Variants in ST6GAL1 observed in about 807,000 individuals in gnomAD.
The protein encoded by ST6GAL1 is ST6 beta-galactoside alpha-2,6-sialyltransferase 1.
ST6GAL1 carries 20 observed loss-of-function variants against 38.0 expected under a neutral mutation model. The ratio of observed to expected loss-of-function variants is 0.53; its 90% CI spans 0.37 to 0.77. ST6GAL1 has a LOEUF of 0.77. ST6GAL1 is among the 30% of genes least tolerant of loss of function. ST6GAL1 has a pLI of 0.00. For synonymous variants in ST6GAL1, 196 were observed against 188.2 expected (o/e 1.04, Z -0.34); for missense variants, 432 against 496.4 (o/e 0.87, Z 1.23).
chr3:186,968,358 C>T (rs1381376721), intron 2 of ST6GAL1, among the ~76,000 whole-genome samples: 1 of 152,118 alleles, frequency 6.6e-6, no homozygotes, highest in Admixed American at 6.6e-5. Flanking sequence ...TTTATATACC[C>T]TTATTGAGGT....
intron 4 of ST6GAL1, among the ~76,000 whole-genome samples, chr3:187,049,214 G>A (rs376392521): frequency 8.5e-5 from 13 of 152,290 alleles, no homozygotes; most frequent in Non-Finnish European, 1.3e-4. Context: ...TTTGAACTGC[G>A]TTAATTGGCA....
chr3:186,970,204 CTTTTCT>C (rs1172444483), intron 2 of ST6GAL1, among the ~76,000 whole-genome samples: 1 of 142,070 alleles, frequency 7.0e-6, no homozygotes, highest in African/African-American at 2.6e-5. Flanking sequence ...ATTTCTTTTT[CTTTTCT>C]TTTTCTTTTT....
intron 5 of ST6GAL1, among the ~76,000 whole-genome samples, chr3:187,069,739 A>C (rs550703339): frequency 2.6e-5 from 4 of 152,066 alleles, no homozygotes; most frequent in Non-Finnish European, 5.9e-5. Flanking sequence ...CTCTGTCTAC[A>C]TTTCTCTGAT....
chr3:186,933,444 G>A (rs1713831572), intron 1 of ST6GAL1, among the ~76,000 whole-genome samples: 1 of 152,080 alleles, frequency 6.6e-6, no homozygotes, highest in Non-Finnish European at 1.5e-5. Flanking sequence ...CACGAGCTCG[G>A]AACCACCGAA....
chr3:187,072,083 C>A (rs1012816874), intron 5 of ST6GAL1: 1 of 152,110 alleles, frequency 6.6e-6, no homozygotes, highest in Non-Finnish European at 1.5e-5. Flanking sequence ...ATTCTTCAAG[C>A]AAGGTTGTCA....
intron 2 of ST6GAL1, among the ~76,000 whole-genome samples, chr3:187,033,342 G>T (rs1427591266): frequency 1.3e-5 from 2 of 151,898 alleles, no homozygotes; most frequent in African/African-American, 4.9e-5. Flanking sequence ...GAACCTCGGG[G>T]GTGGAGCTTG....
Position 187,076,770 on chromosome 3 carries a change from A to G in ST6GAL1, c.*967A>G, listed in dbSNP as rs1719576853. 1 of 398,670 alleles carries G rather than the reference A, an allele frequency of 2.5e-6. No homozygotes were observed. The highest frequency in any genetic ancestry group is 2.1e-5 in the African/African-American group (1 of 48,558). 24.7% of individuals were successfully genotyped at this position (398,670 alleles called of 1,614,324 possible). On this transcript the variant is annotated 3_prime_UTR_variant, in exon 8 of 8. Transcript: ENST00000169298. ...TTCTAAGATCTACCTGAACTTAGAG[A>G]CTCAAGATATTTTTTTAGGAAACCT...
At chr3:187,031,378 G>A (rs1303248133) in intron 2 of ST6GAL1, among the ~76,000 whole-genome samples, 3 of 152,078 alleles carry the variant, frequency 2.0e-5, no homozygotes, top group Non-Finnish European at 4.4e-5. Context: ...TAAAAATGGG[G>A]GTAGTAATGG....
intron 2 of ST6GAL1, among the ~76,000 whole-genome samples, chr3:186,994,309 G>C (rs953589581): frequency 1.3e-5 from 2 of 152,166 alleles, no homozygotes; most frequent in Admixed American, 1.3e-4. Flanking sequence ...GTTGGTCCAG[G>C]TGTGATCCCA....
chr3:186,964,490 A>G (rs1715036307), intron 2 of ST6GAL1: 1 of 152,196 alleles, frequency 6.6e-6, no homozygotes, highest in Non-Finnish European at 1.5e-5. Flanking sequence ...AATACAATAT[A>G]TCTGAAACCC....
intron 2 of ST6GAL1, among the ~76,000 whole-genome samples, chr3:187,010,449 A>G (rs1320775956): frequency 2.0e-5 from 3 of 152,186 alleles, no homozygotes; most frequent in Non-Finnish European, 4.4e-5. Flanking sequence ...GGCAGAGACA[A>G]GAGTAGAAGA....
At chr3:187,062,671 T>C (rs1718963025) in intron 5 of ST6GAL1, among the ~76,000 whole-genome samples, 1 of 151,940 alleles carries the variant, frequency 6.6e-6, no homozygotes, top group Admixed American at 6.6e-5. Context: ...AGTTACTGTT[T>C]AATGAGTATA....
At chr3:186,947,934 C>G (rs906447494) in intron 1 of ST6GAL1, among the ~76,000 whole-genome samples, 3 of 152,216 alleles carry the variant, frequency 2.0e-5, no homozygotes, top group African/African-American at 7.2e-5. Flanking sequence ...ATAGACACAG[C>G]CCCTACAGGG....
intron 2 of ST6GAL1, among the ~76,000 whole-genome samples, chr3:186,997,190 G>C (rs907592903): frequency 6.6e-6 from 1 of 152,114 alleles, no homozygotes; most frequent in Non-Finnish European, 1.5e-5. Context: ...GGCACGTTAC[G>C]CTACTTCCTC....
chr3:187,045,180 A>T (rs1211541955), intron 4 of ST6GAL1, among the ~76,000 whole-genome samples: 2 of 152,314 alleles, frequency 1.3e-5, no homozygotes, highest in African/African-American at 2.4e-5. Context: ...TACAAATAAC[A>T]TTGCTGACAA....
chr3:186,971,250 G>A (rs1285898316), intron 2 of ST6GAL1, among the ~76,000 whole-genome samples: 1 of 152,128 alleles, frequency 6.6e-6, no homozygotes, highest in Non-Finnish European at 1.5e-5. Context: ...CACCATGCCT[G>A]GCTAATTTTT....
In ST6GAL1 at chr3:187,075,426, A is replaced by T; in HGVS notation, c.980-136A>T. On this transcript the variant is annotated intron_variant, in intron 7 of 7. Transcript: ENST00000169298. This position sits in a 1 kb window ranked among gnomAD's most constrained non-coding sequence, Gnocchi z 4.1. ...TTGGCTTGCTGAAACTTAGATTGGG[A>T]ATCACAGTCATAAATAGAAACTCCA... 2 of 1,331,502 alleles carry T rather than the reference A, an allele frequency of 1.5e-6. No individual in the cohort carries two copies. Among genetic ancestry groups the T allele is most frequent in the Non-Finnish European group, 2.0e-6 (2 of 976,134 alleles). 82.5% of individuals were successfully genotyped at this position (1,331,502 alleles called of 1,614,324 possible).
intron 2 of ST6GAL1, among the ~76,000 whole-genome samples, chr3:187,007,529 T>G (rs1392270048): frequency 6.6e-6 from 1 of 152,218 alleles, no homozygotes; most frequent in Admixed American, 6.5e-5. Context: ...ACTTTCAGTC[T>G]GAACCTAAGT....
chr3:187,066,076 A>C (rs938549924), intron 5 of ST6GAL1, among the ~76,000 whole-genome samples: 3 of 143,768 alleles, frequency 2.1e-5, no homozygotes, highest in Non-Finnish European at 4.6e-5. Flanking sequence ...ATGGGTTGGC[A>C]GGGCGGGTGG....
Sources: gnomAD v4.1 joint callset for allele counts (sites outside exome capture counted in the v4.1 genomes callset) on GRCh38, gnomAD v4.1.1 for gene constraint, Gnocchi (gnomAD v3.1) non-coding constraint, MANE v1.5 for transcripts, NCBI Gene and HGNC (gene_info 2026-07-23, HGNC 2026-07-21) for gene names.